Variants in PRKCE observed in about 807,000 individuals in gnomAD.
The protein encoded by PRKCE is protein kinase C epsilon type.
PRKCE carries 16 observed loss-of-function variants against 85.4 expected under a neutral mutation model. That is an observed-to-expected ratio of 0.19 (90% CI 0.13 to 0.28). The LOEUF is 0.28. Among genes scored for constraint, PRKCE ranks in the 10% least tolerant of loss-of-function variants. The probability of loss-of-function intolerance (pLI) is 1.00; values close to 1 mark genes in which losing one functional copy is unlikely to be tolerated. For missense variants in PRKCE, 573 were observed against 975.2 expected, an observed-to-expected ratio of 0.59 and a Z score of 5.49; for synonymous variants, 388 against 371.5, an observed-to-expected ratio of 1.04 and a Z score of -0.51.
At chr2:46,034,878 C>G (rs941764581) in intron 10 of PRKCE, among the ~76,000 whole-genome samples, 1 of 152,256 alleles carries the variant, frequency 6.6e-6, no homozygotes, top group East Asian at 1.9e-4. Context: ...AGGTTTGCAC[C>G]TTTGCAAACC....
intron 1 of PRKCE, among the ~76,000 whole-genome samples, chr2:45,722,848 C>G (rs1251591773): frequency 6.6e-6 from 1 of 152,226 alleles, no homozygotes; most frequent in African/African-American, 2.4e-5. Context: ...CGCCTGTAAT[C>G]CCAGCTCTTT....
chr2:45,885,644 T>A (rs1162146270), intron 2 of PRKCE, among the ~76,000 whole-genome samples: 1 of 152,246 alleles, frequency 6.6e-6, no homozygotes, highest in African/African-American at 2.4e-5. Flanking sequence ...CAAATTTCTC[T>A]GACTGTTGTT....
At chr2:45,732,616 C>G (rs1337234725) in intron 1 of PRKCE, among the ~76,000 whole-genome samples, 1 of 152,084 alleles carries the variant, frequency 6.6e-6, no homozygotes, top group East Asian at 1.9e-4. Context: ...ATGCTGCTTC[C>G]TCCAGGAAGT....
At chr2:45,724,573 C>A (rs1680900504) in intron 1 of PRKCE, among the ~76,000 whole-genome samples, 1 of 152,234 alleles carries the variant, frequency 6.6e-6, no homozygotes, top group African/African-American at 2.4e-5. Context: ...GAAAGCTAGG[C>A]CTCTTGCACC....
chr2:45,779,334 G>A (rs533463857), intron 1 of PRKCE, among the ~76,000 whole-genome samples: 25 of 152,174 alleles, frequency 1.6e-4, no homozygotes, highest in Non-Finnish European at 3.1e-4. Flanking sequence ...CTGGAGCTAG[G>A]ATTCGAAAGG....
intron 2 of PRKCE, among the ~76,000 whole-genome samples, chr2:45,928,907 T>C (rs539703585): frequency 6.6e-6 from 1 of 152,334 alleles, no homozygotes; most frequent in Non-Finnish European, 1.5e-5. Flanking sequence ...GCTGGGAGTC[T>C]GGGGGCCCCT....
At chr2:45,856,725 C>T (rs551419548) in intron 2 of PRKCE, among the ~76,000 whole-genome samples, 1 of 152,194 alleles carries the variant, frequency 6.6e-6, no homozygotes, top group African/African-American at 2.4e-5. Flanking sequence ...TTTCCCCAGC[C>T]TCTGGTAGCC....
chr2:46,187,602 C>T lies in PRKCE; in HGVS notation c.*2721C>T, dbSNP rs1454334099. 1 of 151,516 alleles carries T rather than the reference C, an allele frequency of 6.6e-6. No individual in the cohort carries two copies. Among genetic ancestry groups the T allele is most frequent in the Non-Finnish European group, 1.5e-5 (1 of 67,858 alleles). The allele number at this position is 151,516 out of a possible 1,614,324, so 9.4% of individuals were successfully genotyped here. A position where few individuals can be genotyped will look rare whatever the true frequency, so the allele number is the denominator to read the frequency against. On this transcript the variant is annotated 3_prime_UTR_variant, in exon 15 of 15. Coordinates refer to ENST00000306156, the MANE Select transcript of PRKCE (RefSeq NM_005400.3). ...AAATGGGAGTGCAAAAAAAACAAAG[C>T]CAAAAAATATATGAAGGATAGCTGT...
intron 1 of PRKCE, chr2:45,770,881 T>G (rs1573286180): frequency 7.0e-6 from 1 of 142,068 alleles, no homozygotes; most frequent in Admixed American, 7.1e-5. Context: ...TTTTTTTTTT[T>G]TAACACTTTT....
rs114420598 is a variant in PRKCE at position 45,972,076 on chromosome 2, C to G, written c.413-4353C>G. 2.0e-3 allele frequency among the ~76,000 whole-genome samples: 312 copies of G among 152,328 alleles called. 3 individuals carry two copies. The highest frequency in any genetic ancestry group is 7.1e-3 in the African/African-American group (296 of 41,568). On this transcript the variant is annotated intron_variant, in intron 2 of 14. Transcript: ENST00000306156. ...TAGTGGCTGTACAATTTTACATTCC[C>G]ATGAACAGTGAACAAGCGTTCGCTC...
Position 45,896,685 on chromosome 2 carries a change from A to T in PRKCE, c.412+53622A>T, listed in dbSNP as rs191312323. 6.4e-3 allele frequency among the ~76,000 whole-genome samples: 978 copies of T among 152,364 alleles called. 3 individuals are homozygous for T. Among genetic ancestry groups the T allele is most frequent in the Non-Finnish European group, 9.5e-3 (643 of 68,032 alleles). On this transcript the variant is annotated intron_variant, in intron 2 of 14. Coordinates refer to ENST00000306156, the MANE Select transcript of PRKCE (RefSeq NM_005400.3). ...TTGGAGTAGATTGCAGAGAAAACATATGCAGTTGGCAAATAATCCTGAGAT... is the reference window on the plus strand; with the variant it reads ...TTGGAGTAGATTGCAGAGAAAACATTTGCAGTTGGCAAATAATCCTGAGAT...
chr2:45,807,088 C>A (rs928847327), intron 1 of PRKCE, among the ~76,000 whole-genome samples: 51 of 152,154 alleles, frequency 3.4e-4, no homozygotes, highest in African/African-American at 1.2e-3. Flanking sequence ...AGCAGATAGG[C>A]CTTGGTGTTG....
At chr2:45,817,162 G>C (rs1689131388) in intron 1 of PRKCE, among the ~76,000 whole-genome samples, 1 of 151,422 alleles carries the variant, frequency 6.6e-6, no homozygotes, top group Non-Finnish European at 1.5e-5. Flanking sequence ...GCAACGCTTT[G>C]CAGCCCTGCC....
intron 10 of PRKCE, among the ~76,000 whole-genome samples, chr2:46,017,111 G>A (rs1652761794): frequency 6.6e-6 from 1 of 151,580 alleles, no homozygotes; most frequent in South Asian, 2.1e-4. Flanking sequence ...CAGTTCAGTG[G>A]TATTAAATGC....
At chr2:45,921,615 G>A (rs531404650) in intron 2 of PRKCE, among the ~76,000 whole-genome samples, 1 of 152,186 alleles carries the variant, frequency 6.6e-6, no homozygotes, top group African/African-American at 2.4e-5. Context: ...AACTGACAGG[G>A]TGACCAGAGC....
chr2:46,082,743 A>G lies in PRKCE; in HGVS notation c.1438-3465A>G, dbSNP rs561441444. Among the ~76,000 whole-genome samples, 13 of 152,342 alleles carry G rather than the reference A, an allele frequency of 8.5e-5. No individual in the cohort carries two copies. The South Asian group carries it at 1.2e-3, about 15-fold the overall frequency. The stretch of plus-strand genomic sequence containing the variant: ...CAGAAATTTAGGGGGGAAGCCTGAA[A>G]GCCAAGGGAAACAAGTGTGTGTTGA... On this transcript the variant is annotated intron_variant, in intron 10 of 14. Coordinates refer to ENST00000306156, the MANE Select transcript of PRKCE (RefSeq NM_005400.3).
At chr2:45,911,851 G>A (rs1351161006) in intron 2 of PRKCE, among the ~76,000 whole-genome samples, 1 of 152,062 alleles carries the variant, frequency 6.6e-6, no homozygotes, top group Non-Finnish European at 1.5e-5. Context: ...TACCTACCTG[G>A]TAGGATTGTT....
At chr2:45,674,549 G>A (rs1192542903) in intron 1 of PRKCE, among the ~76,000 whole-genome samples, 3 of 152,138 alleles carry the variant, frequency 2.0e-5, no homozygotes, top group Non-Finnish European at 2.9e-5. Flanking sequence ...TGTGGTCAGT[G>A]CATATATTTC....
chr2:45,696,744 G>A (rs191519268), intron 1 of PRKCE, among the ~76,000 whole-genome samples: 2 of 152,330 alleles, frequency 1.3e-5, no homozygotes, highest in Non-Finnish European at 2.9e-5. Context: ...AATGCTGATT[G>A]TCACATTGTT....
Sources: gnomAD v4.1 joint callset for allele counts (sites outside exome capture counted in the v4.1 genomes callset) on GRCh38, gnomAD v4.1.1 for gene constraint, MANE v1.5 for transcripts, NCBI Gene and HGNC (gene_info 2026-07-23, HGNC 2026-07-21) for gene names.